MTMR2: variants seen among roughly 807,000 people sequenced by gnomAD.
The protein encoded by MTMR2 is myotubularin related protein 2.
A neutral mutation model predicts 86.9 loss-of-function variants in MTMR2; 55 were observed. That is an observed-to-expected ratio of 0.63 (90% CI 0.51 to 0.79). The LOEUF (loss-of-function observed/expected upper bound fraction) is 0.79. Ranked by LOEUF, MTMR2 falls within the 30% of genes least tolerant of loss-of-function variation. MTMR2 has a pLI of 0.00. For synonymous variants in MTMR2, 241 were observed against 266.8 expected (o/e 0.90, Z 0.94); for missense variants, 659 against 772.3 (o/e 0.85, Z 1.74).
In MTMR2 at chr11:95,912,087, GTTTT is replaced by G. The variant is rs67486618; in HGVS notation, c.80+11784_80+11787del. Among the ~76,000 whole-genome samples, 363 of 141,714 alleles carry G rather than the reference GTTTT, an allele frequency of 2.6e-3. 1 individual carries two copies. The highest frequency in any genetic ancestry group is 3.8e-3 in the Non-Finnish European group (247 of 65,104). 93.0% of individuals were successfully genotyped at this position (141,714 alleles called of 152,430 possible). A position where few individuals can be genotyped will look rare whatever the true frequency, so the allele number is the denominator to read the frequency against. ...ATATAAATGAAGTTAACACAGGTGG[GTTTT>G]TTTTTTTTTTTTCAGTTACTAAGTT... On this transcript the variant is annotated intron_variant, in intron 1 of 14. Coordinates refer to ENST00000346299, the MANE Select transcript of MTMR2 (RefSeq NM_016156.6).
intron 2 of MTMR2, among the ~76,000 whole-genome samples, chr11:95,884,580 CT>C (rs1304311070): frequency 6.6e-6 from 1 of 152,142 alleles, no homozygotes; most frequent in Non-Finnish European, 1.5e-5. Context: ...ATAATAACAA[CT>C]GGATCACAGG....
Position 95,833,995 on chromosome 11 carries a change from C to A in MTMR2, c.*1295G>T, listed in dbSNP as rs1177024700. The stretch of plus-strand genomic sequence containing the variant: ...GGTGTTGGTTAAGGAAAAATGGGTA[C>A]AAACTGAACATTTTCATCTGGGGTG... On this transcript the variant is annotated 3_prime_UTR_variant, in exon 15 of 15. Transcript: ENST00000346299. 1 of 152,238 alleles carries A rather than the reference C, an allele frequency of 6.6e-6. No homozygotes were observed. Among genetic ancestry groups the A allele is most frequent in the Non-Finnish European group, 1.5e-5 (1 of 67,964 alleles). The allele number at this position is 152,238 out of a possible 1,614,324, so 9.4% of individuals were successfully genotyped here. A position where few individuals can be genotyped will look rare whatever the true frequency, so the allele number is the denominator to read the frequency against.
In MTMR2 at chr11:95,845,106, C is replaced by T. The variant is rs113897932; in HGVS notation, c.1233G>A (p.Thr411=). 35,914 of 1,613,806 alleles carry T rather than the reference C, an allele frequency of 0.022. 466 individuals are homozygous for T. The highest frequency in any genetic ancestry group is 0.027 in the Non-Finnish European group (31,478 of 1,179,726). ...RIADKVESGK[T]SVVVHCSDGW... is the part of the protein sequence containing the mutation. ...CATCACTGCAATGCACTACCACAGA[C>T]GTCTTCCCTGACTCTACCTTGTCAG... The change falls in exon 11 of 15, where the codon ACG becomes ACA. Residue 411 remains threonine, a synonymous_variant. Coordinates refer to ENST00000346299, the MANE Select transcript of MTMR2 (RefSeq NM_016156.6).
intron 1 of MTMR2, among the ~76,000 whole-genome samples, chr11:95,896,843 C>T (rs1389740579): frequency 6.6e-6 from 1 of 150,812 alleles, no homozygotes; most frequent in African/African-American, 2.4e-5. Context: ...CAAAAGACTT[C>T]CTGGAATACT....
rs998736105 is a variant in MTMR2, at chr11:95,834,434, G to T, written c.*856C>A. On this transcript the variant is annotated 3_prime_UTR_variant, in exon 15 of 15. Transcript: ENST00000346299. ...GAATTCAGAAAAAATGTCAATCCTA[G>T]TAAGATTTTTAAATACTTCTTAAAA... 10 of 152,064 alleles carry T rather than the reference G, an allele frequency of 6.6e-5. No homozygotes were observed. Among genetic ancestry groups the T allele is most frequent in the African/African-American group, 2.2e-4 (9 of 41,428 alleles). 9.4% of individuals were successfully genotyped at this position (152,064 alleles called of 1,614,324 possible).
At chr11:95,860,113 C>T (rs1042441248) in intron 5 of MTMR2, among the ~76,000 whole-genome samples, 1 of 152,152 alleles carries the variant, frequency 6.6e-6, no homozygotes, top group African/African-American at 2.4e-5. Flanking sequence ...ATTCTATGCA[C>T]TACTTACTCT....
At position 95,850,757 on chromosome 11, in the gene MTMR2, T is replaced by C. The variant is rs768562214; in HGVS notation, c.655-8A>G. The C allele has an allele frequency of 4.2e-5, 67 of 1,597,716 alleles. 1 individual carries two copies. Among genetic ancestry groups the C allele is most frequent in the Admixed American group, 1.7e-5 (1 of 59,838 alleles). ...GCTTTCATTTGGAATTCCCTACATG[T>C]GAAATGAAACATAAGACAAATTACT... On this transcript the variant is annotated splice_polypyrimidine_tract_variant and splice_region_variant and intron_variant, in intron 7 of 14. Coordinates refer to ENST00000346299, the MANE Select transcript of MTMR2 (RefSeq NM_016156.6).
intron 3 of MTMR2, among the ~76,000 whole-genome samples, chr11:95,863,176 C>T (rs1356725942): frequency 1.3e-5 from 2 of 152,106 alleles, no homozygotes; most frequent in Non-Finnish European, 2.9e-5. Flanking sequence ...GTCATTATTA[C>T]ACCAAATCAG....
chr11:95,892,593 G>C (rs693830), intron 1 of MTMR2, among the ~76,000 whole-genome samples: 5 of 151,858 alleles, frequency 3.3e-5, no homozygotes, highest in Admixed American at 1.3e-4. Context: ...AGATTTCCTA[G>C]GCCTATATAC....
chr11:95,884,893 ACTTTT>A (rs774011728), intron 2 of MTMR2, among the ~76,000 whole-genome samples: 6 of 152,098 alleles, frequency 3.9e-5, no homozygotes, highest in Non-Finnish European at 8.8e-5. Context: ...ACAACATACT[ACTTTT>A]CTTTTTTTTC....
intron 7 of MTMR2, among the ~76,000 whole-genome samples, chr11:95,854,227 T>C (rs1864127981): frequency 6.6e-6 from 1 of 152,146 alleles, no homozygotes; most frequent in Admixed American, 6.6e-5. Flanking sequence ...ATACTGACAA[T>C]TATTGATCTT....
chr11:95,873,933 A>T lies in MTMR2; in HGVS notation c.187-8257T>A, dbSNP rs1030028286. 1.7e-4 allele frequency among the ~76,000 whole-genome samples: 26 copies of T among 152,202 alleles called. 2 individuals carry two copies. Among genetic ancestry groups the T allele is most frequent in the Admixed American group, 1.6e-3 (24 of 15,300 alleles). On this transcript the variant is annotated intron_variant, in intron 2 of 14. Transcript: ENST00000346299. ...AGTGAGTTTCTTAATCCTGAGTTCT[A>T]GTTTGATTGCACTGTGGTCTGAGAG...
Position 95,923,582 on chromosome 11 carries a change from G to C in MTMR2, c.80+293C>G, listed in dbSNP as rs371466154. ...GAACTGTCTTAAAAAAGGTTTGAGAGGGAATGAAAGACAGGAGAAAGTAAT... is the reference window on the plus strand; with the variant it reads ...GAACTGTCTTAAAAAAGGTTTGAGACGGAATGAAAGACAGGAGAAAGTAAT... On this transcript the variant is annotated intron_variant, in intron 1 of 14. Coordinates refer to ENST00000346299, the MANE Select transcript of MTMR2 (RefSeq NM_016156.6). 1.1e-5 allele frequency: 11 copies of C among 1,013,854 alleles called. No individual in the cohort carries two copies. The Admixed American group carries it at 2.1e-4, about 19-fold the overall frequency. The allele number at this position is 1,013,854 out of a possible 1,614,324, so 62.8% of individuals were successfully genotyped here. A position where few individuals can be genotyped will look rare whatever the true frequency, so the allele number is the denominator to read the frequency against.
intron 2 of MTMR2, among the ~76,000 whole-genome samples, chr11:95,877,362 T>TATA (rs1865159569): frequency 6.9e-6 from 1 of 145,078 alleles, no homozygotes; most frequent in African/African-American, 2.6e-5. Flanking sequence ...TTTTTTTTTT[T>TATA]TATATAACAC....
At chr11:95,865,847 T>C (rs569073003) in intron 2 of MTMR2, among the ~76,000 whole-genome samples, 171 bp from the exon 3 acceptor site, 1 of 152,348 alleles carries the variant, frequency 6.6e-6, no homozygotes, top group Admixed American at 6.5e-5. Context: ...ATGAAGTTAA[T>C]GTTTTTCTAG....
intron 13 of MTMR2, 55 bp downstream of exon 13, chr11:95,838,039 T>C (rs1001855356): frequency 1.7e-4 from 185 of 1,110,524 alleles, no homozygotes; most frequent in Non-Finnish European, 2.3e-4. Context: ...TACATTCTTT[T>C]AGGGAAAAGT....
chr11:95,857,244 A>T (rs2135461478), intron 7 of MTMR2, among the ~76,000 whole-genome samples: 1 of 152,298 alleles, frequency 6.6e-6, no homozygotes, highest in South Asian at 2.1e-4. Context: ...ACCAAGAAAT[A>T]ATCAATATGT....
chr11:95,876,780 G>A (rs117112392), intron 2 of MTMR2, among the ~76,000 whole-genome samples: 2,520 of 152,046 alleles, frequency 0.017, 33 homozygotes, highest in South Asian at 0.062. Flanking sequence ...AATTTTCCAT[G>A]TGACTTTAAC....
chr11:95,888,016 C>A, intron 2 of MTMR2, 140 bp downstream of exon 2: 1 of 666,574 alleles, frequency 1.5e-6, no homozygotes, highest in East Asian at 2.8e-5. Context: ...AATTTGCTGG[C>A]CTATTCTGGG....
Sources: allele counts gnomAD v4.1 joint callset (sites outside exome capture counted in the v4.1 genomes callset), GRCh38; gene constraint gnomAD v4.1.1; transcripts MANE v1.5; gene names NCBI Gene and HGNC (gene_info 2026-07-23, HGNC 2026-07-21).